The following KDELR3 variants were observed in gnomAD, a reference collection of about 807,000 sequenced individuals.
KDELR3 encodes the protein KDEL endoplasmic reticulum protein retention receptor 3, also known as ER lumen protein-retaining receptor 3.
A neutral mutation model predicts 22.7 loss-of-function variants in KDELR3; 26 were observed. That is an observed-to-expected ratio of 1.15 (90% confidence interval 0.84 to 1.59). The LOEUF is 1.59. Among genes scored for constraint, KDELR3 ranks in the 40% most tolerant of loss-of-function variants. The pLI, the probability that KDELR3 is intolerant of heterozygous loss-of-function variation, is 0.00. For synonymous variants in KDELR3, 120 were observed against 98.2 expected, an observed-to-expected ratio of 1.22 and a Z score of -1.31; for missense variants, 289 against 251.1, an observed-to-expected ratio of 1.15 and a Z score of -1.02.
In KDELR3 at chr22:38,468,454, C is replaced by T. The variant is rs575511943; in HGVS notation, c.91+130C>T. 1.8e-5 allele frequency: 12 copies of T among 677,130 alleles called. 1 individual carries two copies. Among genetic ancestry groups the T allele is most frequent in the Middle Eastern group, 3.4e-4 (1 of 2,964 alleles). The allele number at this position is 677,130 out of a possible 1,614,324, so 41.9% of individuals were successfully genotyped here. On this transcript the variant is annotated intron_variant, in intron 1 of 4. Transcript: ENST00000216014. ...CGGCGTGGGGGTCCTTGAAACTTTGCGGAGCTCCACTTCCAAAAACAATGT... is the reference window on the plus strand; with the variant it reads ...CGGCGTGGGGGTCCTTGAAACTTTGTGGAGCTCCACTTCCAAAAACAATGT...
intron 4 of KDELR3, among the ~76,000 whole-genome samples, chr22:38,482,285 C>T (rs2089609036): frequency 6.6e-6 from 1 of 152,152 alleles, no homozygotes; most frequent in Non-Finnish European, 1.5e-5. Flanking sequence ...AGGCCAATCG[C>T]TAAGTTTACA....
intron 2 of KDELR3, 33 bp from the exon 3 acceptor site, chr22:38,479,560 A>T (rs1220854633): frequency 1.3e-6 from 2 of 1,594,538 alleles, no homozygotes. Context: ...ATGACTTCAT[A>T]GATTCGATTC....
Position 38,479,725 on chromosome 22 carries a change from G to A in KDELR3, c.325G>A (p.Glu109Lys). The A allele has an allele frequency of 6.2e-7, 1 of 1,614,138 alleles. No homozygotes were observed. Among genetic ancestry groups the A allele is most frequent in the Non-Finnish European group, 8.5e-7 (1 of 1,180,022 alleles). Residue 109 changes from glutamate (E) to lysine (K), a missense_variant, in exon 3 of 5, where the codon GAA (glutamate) becomes AAA (lysine). Glu to Lys is a moderately conservative substitution (Grantham distance 56). Transcript: ENST00000216014. ...CCCAGTCATTGGCCTTTCCTTCCTT[G>A]AAAACTACAGTTTCACTCTGCTGGA... ...LVPVIGLSFL[E>K]NYSFTLLEIL... is the part of the protein sequence containing the mutation.
At chr22:38,473,006 C>T (rs944446333) in intron 1 of KDELR3, among the ~76,000 whole-genome samples, 1 of 152,048 alleles carries the variant, frequency 6.6e-6, no homozygotes, top group Non-Finnish European at 1.5e-5. Context: ...GGCCCAAATA[C>T]GATGTTAACA....
chr22:38,474,510 C>A lies in KDELR3; in HGVS notation c.92-13C>A. On this transcript the variant is annotated splice_polypyrimidine_tract_variant and intron_variant, in intron 1 of 4. Transcript: ENST00000216014. ...CTGTGTCCTCATTGTCTCCTGTCTA[C>A]CCTTGGCCACAGGCATCTCTGGGAA... The A allele has an allele frequency of 6.2e-7, 1 of 1,609,068 alleles. No homozygotes were observed. The highest frequency in any genetic ancestry group is 2.2e-5 in the East Asian group (1 of 44,840).
At chr22:38,478,667 A>T (rs149067131) in intron 2 of KDELR3, among the ~76,000 whole-genome samples, 2,217 of 14,878 alleles carry the variant, frequency 0.15, 119 homozygotes, top group African/African-American at 0.25. Context: ...TTTGAGACAG[A>T]GTCTCACTCT....
intron 2 of KDELR3, among the ~76,000 whole-genome samples, chr22:38,478,629 AT>A (rs55884876): frequency 0.024 from 1,043 of 43,056 alleles, no homozygotes; most frequent in Middle Eastern, 0.12. Context: ...AGCATCTGTG[AT>A]TTTTTTTTTT....
intron 3 of KDELR3, 130 bp downstream of exon 3, chr22:38,479,881 G>A: frequency 1.2e-6 from 1 of 852,606 alleles, no homozygotes; most frequent in South Asian, 1.6e-5. Context: ...TATAAGTTGA[G>A]AAGAAATTGA....
intron 2 of KDELR3, among the ~76,000 whole-genome samples, chr22:38,475,079 CAAAA>C (rs1018109138): frequency 0.069 from 1,373 of 20,040 alleles, 14 homozygotes; most frequent in African/African-American, 0.18. Context: ...GACTCTGTCT[CAAAA>C]AAAAAAAAAA....
intron 1 of KDELR3, among the ~76,000 whole-genome samples, chr22:38,470,994 A>G (rs980168166): frequency 2.0e-5 from 3 of 152,090 alleles, no homozygotes; most frequent in East Asian, 1.9e-4. Flanking sequence ...ATACAAAAAA[A>G]TTATCTGAGT....
At position 38,482,639 on chromosome 22, in the gene KDELR3, C is replaced by G. The variant is rs1043402091; in HGVS notation, c.*103C>G. The stretch of plus-strand genomic sequence containing the variant: ...ATAATTTGGGATCAAATGTTAAAAC[C>G]AGAAAAGTGTTTAGTGTGGATTTCA... On this transcript the variant is annotated 3_prime_UTR_variant, in exon 5 of 5. Transcript: ENST00000216014. The G allele has an allele frequency of 1.9e-6, 2 of 1,073,536 alleles. No individual in the cohort carries two copies. Among genetic ancestry groups the G allele is most frequent in the Non-Finnish European group, 2.8e-6 (2 of 704,664 alleles). 66.5% of individuals were successfully genotyped at this position (1,073,536 alleles called of 1,614,324 possible).
intron 2 of KDELR3, 62 bp from the exon 3 acceptor site, chr22:38,479,531 G>A (rs184487322): frequency 3.4e-4 from 500 of 1,477,280 alleles, no homozygotes; most frequent in Non-Finnish European, 3.8e-4. Context: ...GGCTAGGAGC[G>A]TAGTAAATAG....
chr22:38,479,555 T>G (rs1368268717), intron 2 of KDELR3, 38 bp from the exon 3 acceptor site: 1 of 1,590,278 alleles, frequency 6.3e-7, no homozygotes, highest in African/African-American at 1.3e-5. Flanking sequence ...GGGAAATGAC[T>G]TCATAGATTC....
At chr22:38,477,536 T>C (rs899070423) in intron 2 of KDELR3, among the ~76,000 whole-genome samples, 1 of 152,118 alleles carries the variant, frequency 6.6e-6, no homozygotes, top group African/African-American at 2.4e-5. Context: ...AAGGGTTCCA[T>C]GGGGGAATTC....
chr22:38,481,131 A>G (rs1157643604), intron 3 of KDELR3, 81 bp from the exon 4 acceptor site: 17 of 1,243,028 alleles, frequency 1.4e-5, no homozygotes, highest in Non-Finnish European at 1.6e-5. Flanking sequence ...CCAGCAAGCT[A>G]TTGTTTTAGT....
At chr22:38,480,332 C>T (rs2089590615) in intron 3 of KDELR3, among the ~76,000 whole-genome samples, 1 of 151,698 alleles carries the variant, frequency 6.6e-6, no homozygotes, top group Admixed American at 6.6e-5. Context: ...TTAGTTGAGA[C>T]GGGGTTTCAC....
chr22:38,468,101 C>T lies in KDELR3; in HGVS notation c.-133C>T, dbSNP rs1466564826. 1.1e-5 allele frequency: 8 copies of T among 744,764 alleles called. No individual in the cohort carries two copies. Among genetic ancestry groups the T allele is most frequent in the Non-Finnish European group, 1.8e-5 (8 of 449,020 alleles). The allele number at this position is 744,764 out of a possible 1,614,324, so 46.1% of individuals were successfully genotyped here. A position where few individuals can be genotyped will look rare whatever the true frequency, so the allele number is the denominator to read the frequency against. Reference sequence around the variant, plus strand: ...GTGGGCGGCGGCGCGCGGGTGCGATCGCGGAGCTGTGAGGCGCAGGCAGGG... The same window carrying T: ...GTGGGCGGCGGCGCGCGGGTGCGATTGCGGAGCTGTGAGGCGCAGGCAGGG... On this transcript the variant is annotated 5_prime_UTR_variant, in exon 1 of 5. Transcript: ENST00000216014.
rs2089545029 is a variant in KDELR3, at chr22:38,474,510, C to T, written c.92-13C>T. 3 of 1,609,068 alleles carry T rather than the reference C, an allele frequency of 1.9e-6. No individual in the cohort carries two copies. The highest frequency in any genetic ancestry group is 1.7e-5 in the Admixed American group (1 of 59,996). On this transcript the variant is annotated splice_polypyrimidine_tract_variant and intron_variant, in intron 1 of 4. Transcript: ENST00000216014. The stretch of plus-strand genomic sequence containing the variant: ...CTGTGTCCTCATTGTCTCCTGTCTA[C>T]CCTTGGCCACAGGCATCTCTGGGAA...
chr22:38,476,687 G>C (rs1216223826), intron 2 of KDELR3, among the ~76,000 whole-genome samples: 1 of 151,748 alleles, frequency 6.6e-6, no homozygotes, highest in African/African-American at 2.4e-5. Flanking sequence ...ACCACGCCCG[G>C]CTACTTTTTG....
Sources: allele counts gnomAD v4.1 joint callset (sites outside exome capture counted in the v4.1 genomes callset), GRCh38; gene constraint gnomAD v4.1.1; transcripts MANE v1.5; gene names NCBI Gene and HGNC (gene_info 2026-07-23, HGNC 2026-07-21).